Variants in VWA8 observed in about 807,000 individuals in gnomAD.
VWA8 encodes von Willebrand factor A domain containing 8.
In VWA8, 221 loss-of-function variants were observed where a neutral mutation model predicts 241.5. That is an observed-to-expected ratio of 0.91 (90% CI 0.82 to 1.02). VWA8 has a LOEUF of 1.02. VWA8 is among the 50% of genes least tolerant of loss of function. The pLI, the probability that VWA8 is intolerant of heterozygous loss-of-function variation, is 0.00. For missense variants in VWA8, 2,322 were observed against 2,328.7 expected, an observed-to-expected ratio of 1.00 and a Z score of 0.06; for synonymous variants, 852 against 827.1, an observed-to-expected ratio of 1.03 and a Z score of -0.52.
intron 2 of VWA8, among the ~76,000 whole-genome samples, chr13:41,928,154 G>C (rs757309456): frequency 1.3e-5 from 2 of 152,142 alleles, no homozygotes; most frequent in Non-Finnish European, 2.9e-5. Context: ...AATAATCATA[G>C]AGGACTTCAA....
intron 26 of VWA8, among the ~76,000 whole-genome samples, chr13:41,711,513 T>C (rs2045315951): frequency 6.6e-6 from 1 of 152,182 alleles, no homozygotes; most frequent in Non-Finnish European, 1.5e-5. Context: ...TTATGATTAA[T>C]CTGTTAAAGT....
chr13:41,856,689 T>A (rs1263823433), intron 12 of VWA8, among the ~76,000 whole-genome samples: 1 of 152,112 alleles, frequency 6.6e-6, no homozygotes, highest in Non-Finnish European at 1.5e-5. Context: ...CCAAGCCTGC[T>A]GGTGTGCACC....
intron 14 of VWA8, among the ~76,000 whole-genome samples, chr13:41,826,750 T>C (rs905851475): frequency 6.6e-6 from 1 of 152,034 alleles, no homozygotes; most frequent in Non-Finnish European, 1.5e-5. Flanking sequence ...GATGCGCAAC[T>C]GTAGTCTCAG....
At position 41,949,986 on chromosome 13, in the gene VWA8, G is replaced by C. The variant is rs61752293; in HGVS notation, c.191C>G (p.Ser64Cys). The C allele has an allele frequency of 3.6e-4, 575 of 1,594,294 alleles. No individual in the cohort carries two copies. The African/African-American group carries it at 7.2e-3, about 20-fold the overall frequency. Residue 64 changes from serine to cysteine, a missense_variant, in exon 2 of 45, where the codon TCC (serine) becomes TGC (cysteine). Coordinates refer to ENST00000379310, the MANE Select transcript of VWA8 (RefSeq NM_015058.2). ...ATTCTTAGGAATTTTCAACTTGTAG[G>C]ATACATCTCCAATATTAACTGTATC... ...TGDTVNIGDV[S>C]YKLKIPKNPE...
At chr13:41,701,308 T>C (rs558918657) in intron 28 of VWA8, 84 bp downstream of exon 28, 2 of 1,444,878 alleles carry the variant, frequency 1.4e-6, no homozygotes, top group Non-Finnish European at 1.8e-6. Flanking sequence ...TATCATAAAC[T>C]TTTTGATGTC....
At chr13:41,692,706 T>C (rs748547957) in intron 30 of VWA8, among the ~76,000 whole-genome samples, 156 bp downstream of exon 30, 5 of 152,116 alleles carry the variant, frequency 3.3e-5, no homozygotes, top group Admixed American at 1.3e-4. Context: ...TCTATGGTTA[T>C]ATATATCATG....
In VWA8 at chr13:41,571,297, T is replaced by TCTCCCTCTCCCTCCTCCCTCTCCCTC. The variant is rs1202432630; in HGVS notation, c.5371-617_5371-592dup. Among the ~76,000 whole-genome samples the TCTCCCTCTCCCTCCTCCCTCTCCCTC allele has an allele frequency of 2.1e-5, 3 of 140,240 alleles. 1 individual carries two copies. Among genetic ancestry groups the TCTCCCTCTCCCTCCTCCCTCTCCCTC allele is most frequent in the Non-Finnish European group, 3.1e-5 (2 of 64,726 alleles). 92.0% of individuals were successfully genotyped at this position (140,240 alleles called of 152,430 possible). On this transcript the variant is annotated intron_variant, in intron 43 of 44. Coordinates refer to ENST00000379310, the MANE Select transcript of VWA8 (RefSeq NM_015058.2). ...GTCCCTCTCCCGTCTCCCTCTCCCGTCTCCCTCTCCCTCCTCCCTCTCCCT... is the reference window on the plus strand; with the variant it reads ...GTCCCTCTCCCGTCTCCCTCTCCCGTCTCCCTCTCCCTCCTCCCTCTCCCTCCTCCCTCTCCCTCCTCCCTCTCCCT...
In VWA8 at chr13:41,652,817, T is replaced by C. The variant is rs954360972; in HGVS notation, c.4611+18129A>G. On this transcript the variant is annotated intron_variant, in intron 37 of 44. Coordinates refer to ENST00000379310, the MANE Select transcript of VWA8 (RefSeq NM_015058.2). Reference sequence around the variant, plus strand: ...AAAAGATCTTCTGATAGAAAGGACATTGACTCAAGATTTCTGGCTAGCCTA... The same window carrying C: ...AAAAGATCTTCTGATAGAAAGGACACTGACTCAAGATTTCTGGCTAGCCTA... Among the ~76,000 whole-genome samples, 4 of 152,326 alleles carry C rather than the reference T, an allele frequency of 2.6e-5. No homozygotes were observed. In the East Asian group the frequency reaches 5.8e-4, roughly 22 times the overall value.
chr13:41,798,910 A>G (rs566403032), intron 17 of VWA8, among the ~76,000 whole-genome samples: 20 of 152,260 alleles, frequency 1.3e-4, no homozygotes, highest in African/African-American at 4.8e-4. Context: ...TTTACTAATT[A>G]AGTGCTTATT....
At chr13:41,728,030 A>G (rs577820053) in intron 23 of VWA8, among the ~76,000 whole-genome samples, 1 of 152,280 alleles carries the variant, frequency 6.6e-6, no homozygotes, top group African/African-American at 2.4e-5. Flanking sequence ...TGGTTATTTC[A>G]GGAAGAACCA....
chr13:41,725,891 A>C (rs866944534), intron 24 of VWA8, among the ~76,000 whole-genome samples: 4 of 152,340 alleles, frequency 2.6e-5, no homozygotes, highest in Admixed American at 1.3e-4. Context: ...TTAAGGTATT[A>C]TCTGCACATA....
chr13:41,755,724 A>C (rs1173141635), intron 21 of VWA8, among the ~76,000 whole-genome samples: 1 of 151,894 alleles, frequency 6.6e-6, no homozygotes, highest in African/African-American at 2.4e-5. Flanking sequence ...CATGAATACC[A>C]TCTTCTTTTT....
intron 9 of VWA8, among the ~76,000 whole-genome samples, chr13:41,881,968 A>C (rs1159944236): frequency 6.8e-6 from 1 of 148,138 alleles, no homozygotes; most frequent in Non-Finnish European, 1.5e-5. Context: ...CTTCCCAGAC[A>C]GGGTGACTGC....
chr13:41,868,511 T>C (rs1228968377), intron 9 of VWA8, 34 bp from the exon 10 acceptor site: 2 of 1,597,356 alleles, frequency 1.3e-6, no homozygotes, highest in African/African-American at 1.3e-5. Context: ...GCAATTTACT[T>C]TTCATTTTAG....
Position 41,615,055 on chromosome 13 carries a change from A to G in VWA8, c.4641T>C (p.Asp1547=), listed in dbSNP as rs761061482. 2 of 1,613,984 alleles carry G rather than the reference A, an allele frequency of 1.2e-6. No homozygotes were observed. Among genetic ancestry groups the G allele is most frequent in the Non-Finnish European group, 1.7e-6 (2 of 1,179,958 alleles). The change falls in exon 38 of 45, where the codon GAT becomes GAC. Residue 1547 remains aspartate, a synonymous_variant. Coordinates refer to ENST00000379310, the MANE Select transcript of VWA8 (RefSeq NM_015058.2). ...CCTTCCCGTGTTTGGGGGAGCTTAC[A>G]TCTTCACCACTGTCTCTGTTGATTG... ...QITINRDSGE[D]VSSPKHGKED...
At chr13:41,591,554 G>A (rs1173747989) in intron 40 of VWA8, among the ~76,000 whole-genome samples, 3 of 151,912 alleles carry the variant, frequency 2.0e-5, no homozygotes, top group Admixed American at 6.6e-5. Context: ...GAAAATTTTC[G>A]CAACCTACTC....
intron 42 of VWA8, among the ~76,000 whole-genome samples, chr13:41,579,667 T>A (rs925412162): frequency 2.6e-5 from 4 of 152,222 alleles, no homozygotes; most frequent in Non-Finnish European, 5.9e-5. Context: ...CTTTATAGTT[T>A]GTTACAGTTT....
At chr13:41,703,117 C>G (rs2045260427) in intron 27 of VWA8, among the ~76,000 whole-genome samples, 186 bp downstream of exon 27, 1 of 152,132 alleles carries the variant, frequency 6.6e-6, no homozygotes, top group Non-Finnish European at 1.5e-5. Context: ...CCAATTAGCT[C>G]TTTAGAAATT....
chr13:41,928,142 A>G (rs1016289684), intron 2 of VWA8, among the ~76,000 whole-genome samples: 3 of 152,244 alleles, frequency 2.0e-5, no homozygotes, highest in Admixed American at 6.5e-5. Context: ...AAAGAGCAAT[A>G]CAATAATCAT....
Sources: gnomAD v4.1 joint callset for allele counts (sites outside exome capture counted in the v4.1 genomes callset) on GRCh38, gnomAD v4.1.1 for gene constraint, MANE v1.5 for transcripts, NCBI Gene and HGNC (gene_info 2026-07-23, HGNC 2026-07-21) for gene names.